The following PRKCE variants were observed in gnomAD, a reference collection of about 807,000 sequenced individuals.
PRKCE encodes the protein protein kinase C epsilon.
A neutral mutation model predicts 85.4 loss-of-function variants in PRKCE; 16 were observed. That is an observed-to-expected ratio of 0.19 (90% CI 0.13 to 0.28). The LOEUF (loss-of-function observed/expected upper bound fraction) is 0.28. Ranked by LOEUF, PRKCE falls within the 10% of genes least tolerant of loss-of-function variation. The pLI is 1.00. For missense variants in PRKCE, 573 were observed against 975.2 expected (o/e 0.59, Z 5.49); for synonymous variants, 388 against 371.5 (o/e 1.04, Z -0.51).
chr2:45,736,082 A>T (rs1174943512), intron 1 of PRKCE, among the ~76,000 whole-genome samples: 1 of 152,028 alleles, frequency 6.6e-6, no homozygotes, highest in South Asian at 2.1e-4. Flanking sequence ...CACCTCAGCT[A>T]CCAGAGTACC....
chr2:45,676,445 T>C (rs981730625), intron 1 of PRKCE, among the ~76,000 whole-genome samples: 7 of 152,238 alleles, frequency 4.6e-5, no homozygotes, highest in Non-Finnish European at 1.0e-4. Flanking sequence ...TCTTAATACA[T>C]GCAGGTCAGA....
At chr2:45,727,325 T>C (rs576034224) in intron 1 of PRKCE, among the ~76,000 whole-genome samples, 2 of 152,306 alleles carry the variant, frequency 1.3e-5, no homozygotes, top group Admixed American at 6.5e-5. Flanking sequence ...CTGATGTGTA[T>C]TGAAGGTAGA....
At chr2:46,040,775 A>G (rs769228104) in intron 10 of PRKCE, among the ~76,000 whole-genome samples, 34 of 152,258 alleles carry the variant, frequency 2.2e-4, no homozygotes, top group Middle Eastern at 3.2e-3. Flanking sequence ...ACTAGTAACA[A>G]TCTGAGCAGG....
In PRKCE at chr2:45,776,936, A is replaced by AT. The variant is rs904165215; in HGVS notation, c.349-66054dup. 2.4e-4 allele frequency among the ~76,000 whole-genome samples: 37 copies of AT among 151,394 alleles called. 1 individual carries two copies. The East Asian group carries it at 2.5e-3, about 10-fold the overall frequency. ...CCCCAGCCTTAATATGAAAGTTATC[A>AT]TTTTTTTTTTGATATAACTAAAAAC... On this transcript the variant is annotated intron_variant, in intron 1 of 14. Transcript: ENST00000306156.
intron 1 of PRKCE, among the ~76,000 whole-genome samples, chr2:45,813,023 GA>G (rs1262629840): frequency 6.6e-6 from 1 of 152,222 alleles, no homozygotes; most frequent in Non-Finnish European, 1.5e-5. Context: ...AATGGCTATT[GA>G]AAATTCTATC....
chr2:46,066,202 G>A (rs968662335), intron 10 of PRKCE, among the ~76,000 whole-genome samples: 3 of 152,160 alleles, frequency 2.0e-5, no homozygotes, highest in Admixed American at 6.5e-5. Flanking sequence ...AGGTGAAGGG[G>A]AAGCATTTAT....
At chr2:45,941,545 G>A (rs909597856) in intron 2 of PRKCE, among the ~76,000 whole-genome samples, 1 of 152,142 alleles carries the variant, frequency 6.6e-6, no homozygotes, top group Non-Finnish European at 1.5e-5. Context: ...TGAAGGGGTG[G>A]GCTTTGAGGA....
At chr2:46,094,004 T>C (rs575745576) in intron 11 of PRKCE, among the ~76,000 whole-genome samples, 1 of 152,326 alleles carries the variant, frequency 6.6e-6, no homozygotes, top group Non-Finnish European at 1.5e-5. Flanking sequence ...ATCTCTTTGT[T>C]TTCTATGTAA....
chr2:45,893,436 C>T (rs1045109834), intron 2 of PRKCE, among the ~76,000 whole-genome samples: 2 of 151,088 alleles, frequency 1.3e-5, no homozygotes, highest in African/African-American at 4.9e-5. Context: ...GGCGCAATCT[C>T]GGCTCACTGC....
intron 1 of PRKCE, among the ~76,000 whole-genome samples, chr2:45,723,469 G>T (rs543801644): frequency 4.6e-5 from 7 of 152,282 alleles, no homozygotes; most frequent in Admixed American, 4.6e-4. Flanking sequence ...GCTTGGAGCT[G>T]ATCTGGGACG....
chr2:45,844,864 T>C lies in PRKCE; in HGVS notation c.412+1801T>C, dbSNP rs763329327. Among the ~76,000 whole-genome samples the C allele has an allele frequency of 2.0e-5, 3 of 152,134 alleles. 1 individual carries two copies. Among genetic ancestry groups the C allele is most frequent in the Admixed American group, 1.3e-4 (2 of 15,272 alleles). ...GAATGAATAAATAAATCAGAAGCAA[T>C]TGATTTTTTTCTGCTTGCTTCTACA... is the stretch of plus-strand genomic sequence containing the variant. On this transcript the variant is annotated intron_variant, in intron 2 of 14. Transcript: ENST00000306156.
chr2:45,655,878 G>A (rs1675357714), intron 1 of PRKCE, among the ~76,000 whole-genome samples: 1 of 147,438 alleles, frequency 6.8e-6, no homozygotes. Flanking sequence ...AAAAGGTAGG[G>A]AGAACTGGAA....
intron 11 of PRKCE, among the ~76,000 whole-genome samples, chr2:46,117,063 G>T (rs1337401286): frequency 6.6e-6 from 1 of 152,206 alleles, no homozygotes. Context: ...CAAGGAAAGT[G>T]AAGAGAACAA....
At chr2:45,689,878 G>A (rs547997765) in intron 1 of PRKCE, among the ~76,000 whole-genome samples, 1 of 149,554 alleles carries the variant, frequency 6.7e-6, no homozygotes, top group East Asian at 2.0e-4. Context: ...TGACAGGCTG[G>A]GTGACAGAGC....
chr2:45,888,080 A>T (rs922258225), intron 2 of PRKCE, among the ~76,000 whole-genome samples: 1 of 152,244 alleles, frequency 6.6e-6, no homozygotes, highest in Non-Finnish European at 1.5e-5. Flanking sequence ...TGAAAACAGA[A>T]CTGAGGTTAT....
intron 2 of PRKCE, among the ~76,000 whole-genome samples, chr2:45,904,667 T>A (rs951835921): frequency 6.6e-6 from 1 of 152,106 alleles, no homozygotes; most frequent in Non-Finnish European, 1.5e-5. Flanking sequence ...TGCTCGGGGA[T>A]CTCACCAGGA....
At chr2:45,831,959 C>T (rs1423619366) in intron 1 of PRKCE, among the ~76,000 whole-genome samples, 1 of 152,060 alleles carries the variant, frequency 6.6e-6, no homozygotes, top group Non-Finnish European at 1.5e-5. Context: ...AGATCTTATC[C>T]TTTATTTTAT....
intron 10 of PRKCE, among the ~76,000 whole-genome samples, chr2:46,071,436 C>A (rs1423444266): frequency 6.6e-6 from 1 of 152,162 alleles, no homozygotes; most frequent in African/African-American, 2.4e-5. Flanking sequence ...GAAGTAGCTA[C>A]TATTGAATCT....
rs1574619893 is a variant in PRKCE, at chr2:46,155,181, C to T, written c.1920+3952C>T. ...ACCAGATCTGGCTTTCCAAGAGAAGCACGAAATCCAGATTTTTATGTAAAA... is the reference window on the plus strand; with the variant it reads ...ACCAGATCTGGCTTTCCAAGAGAAGTACGAAATCCAGATTTTTATGTAAAA... On this transcript the variant is annotated intron_variant, in intron 13 of 14. Transcript: ENST00000306156. The surrounding 1 kb of genome is among the most constrained non-coding windows in gnomAD (Gnocchi z 4.7). Among the ~76,000 whole-genome samples, 3 of 152,242 alleles carry T rather than the reference C, an allele frequency of 2.0e-5. No individual in the cohort carries two copies. Among genetic ancestry groups the T allele is most frequent in the Admixed American group, 2.0e-4 (3 of 15,296 alleles).
Sources: gnomAD v4.1 joint callset for allele counts (sites outside exome capture counted in the v4.1 genomes callset) on GRCh38, gnomAD v4.1.1 for gene constraint, Gnocchi (gnomAD v3.1) non-coding constraint, MANE v1.5 for transcripts, NCBI Gene and HGNC (gene_info 2026-07-23, HGNC 2026-07-21) for gene names.